Variants in DMD observed in about 807,000 individuals in gnomAD.
The protein encoded by DMD is mutant dystrophin.
Under a neutral mutation model 330.1 loss-of-function variants are expected in DMD, and 63 were observed. The observed-to-expected ratio is 0.19, with a 90% confidence interval of 0.16 to 0.24. DMD has a LOEUF of 0.24. Ranked by LOEUF, DMD falls within the 10% of genes least tolerant of loss-of-function variation. The pLI is 1.00. For missense variants in DMD, 3,344 were observed against 2,684.1 expected (o/e 1.25, Z -5.43); for synonymous variants, 1,223 against 959.8 (o/e 1.27, Z -5.07).
At chrX:33,207,980 T>C (rs1603417570) in intron 1 of DMD, among the ~76,000 whole-genome samples, 1 of 111,589 alleles carries the variant, frequency 9.0e-6, no homozygotes, top group East Asian at 2.8e-4. Context: ...CCTAGGACTA[T>C]AGCAGGACTT....
chrX:32,255,530 A>G (rs1283304038), intron 43 of DMD, among the ~76,000 whole-genome samples: 3 of 111,986 alleles, frequency 2.7e-5, no homozygotes, highest in East Asian at 5.6e-4. Flanking sequence ...TCCTTACAGA[A>G]TAAGTTTGCT....
intron 9 of DMD, among the ~76,000 whole-genome samples, chrX:32,651,789 A>G (rs968318390): frequency 8.9e-6 from 1 of 112,310 alleles, no homozygotes; most frequent in African/African-American, 3.2e-5. Context: ...ACAAAAATTT[A>G]AAACATAATT....
At chrX:32,139,946 CAT>C (rs2096744586) in intron 44 of DMD, among the ~76,000 whole-genome samples, 2 of 112,284 alleles carry the variant, frequency 1.8e-5, no homozygotes, top group Admixed American at 9.5e-5. Flanking sequence ...AAACGGAAAA[CAT>C]AGTTGCTATA....
In DMD at chrX:32,732,192, C is replaced by T. The variant is rs748089428; in HGVS notation, c.650-32899G>A. On this transcript the variant is annotated intron_variant, in intron 7 of 78. Transcript: ENST00000357033. ...GGAAGATGAAATTAATGAAATGAACCGAGAAGGGAAGTTTAGAGGAAAAAG... is the reference window on the plus strand; with the variant it reads ...GGAAGATGAAATTAATGAAATGAACTGAGAAGGGAAGTTTAGAGGAAAAAG... Among the ~76,000 whole-genome samples, 204 of 110,220 alleles carry T rather than the reference C, an allele frequency of 1.9e-3. 1 individual carries two copies. Among genetic ancestry groups the T allele is most frequent in the African/African-American group, 2.6e-3 (78 of 30,300 alleles).
chrX:32,921,191 C>T (rs183707950), intron 2 of DMD, among the ~76,000 whole-genome samples: 8 of 111,483 alleles, frequency 7.2e-5, no homozygotes, highest in African/African-American at 1.9e-4. Context: ...AGTGATAAAT[C>T]GAATAAGTTG....
intron 55 of DMD, among the ~76,000 whole-genome samples, chrX:31,524,038 C>CTGCA (rs1050066289): frequency 2.7e-5 from 3 of 111,815 alleles, no homozygotes; most frequent in African/African-American, 9.8e-5. Context: ...TAACCCCGCT[C>CTGCA]TGCATGCATG....
chrX:31,567,808 C>T (rs978214040), intron 55 of DMD, among the ~76,000 whole-genome samples: 7 of 110,738 alleles, frequency 6.3e-5, no homozygotes, highest in African/African-American at 2.3e-4. Context: ...TTTTATTGAG[C>T]CAGTTCCCAC....
chrX:32,615,824 A>G (rs1602183520), intron 11 of DMD, among the ~76,000 whole-genome samples: 1 of 111,932 alleles, frequency 8.9e-6, no homozygotes, highest in South Asian at 3.7e-4. Context: ...TTATGTTATT[A>G]TGGAACATCT....
At chrX:32,685,160 GT>G (rs2062759597) in intron 9 of DMD, among the ~76,000 whole-genome samples, 2 of 109,259 alleles carry the variant, frequency 1.8e-5, no homozygotes, top group African/African-American at 6.9e-5. Flanking sequence ...CGGCATACTT[GT>G]TCCTGAACTA....
chrX:33,128,614 A>G (rs1295892371), intron 1 of DMD, among the ~76,000 whole-genome samples: 4 of 111,998 alleles, frequency 3.6e-5, no homozygotes, highest in Non-Finnish European at 7.5e-5. Flanking sequence ...GATTATTATG[A>G]AGACACCTGT....
intron 7 of DMD, among the ~76,000 whole-genome samples, chrX:32,771,503 T>TACAC (rs754545800): frequency 9.5e-4 from 100 of 105,799 alleles, no homozygotes; most frequent in African/African-American, 1.6e-3. Flanking sequence ...ATTTTGTTAA[T>TACAC]ACACACACAC....
intron 1 of DMD, among the ~76,000 whole-genome samples, chrX:33,235,478 T>C (rs1161765801): frequency 8.9e-6 from 1 of 112,315 alleles, no homozygotes; most frequent in Non-Finnish European, 1.9e-5. Context: ...AAATCATTAG[T>C]GTATAGCGTT....
At chrX:32,649,100 T>G (rs2059960682) in intron 9 of DMD, among the ~76,000 whole-genome samples, 1 of 110,455 alleles carries the variant, frequency 9.1e-6, no homozygotes, top group African/African-American at 3.3e-5. Flanking sequence ...AGTGAATGGA[T>G]GAAACGATTC....
At chrX:32,481,958 A>G (rs1221802096) in intron 21 of DMD, among the ~76,000 whole-genome samples, 1 of 111,816 alleles carries the variant, frequency 8.9e-6, no homozygotes, top group Non-Finnish European at 1.9e-5. Flanking sequence ...CTAATGGTGT[A>G]GAACAGAAGA....
chrX:32,857,555 A>C (rs1420286923), intron 2 of DMD, among the ~76,000 whole-genome samples: 2 of 112,333 alleles, frequency 1.8e-5, no homozygotes, highest in Non-Finnish European at 3.8e-5. Flanking sequence ...ATGCACTGCA[A>C]TGTGTCCATT....
intron 44 of DMD, among the ~76,000 whole-genome samples, chrX:32,107,700 C>T (rs769954397): frequency 9.0e-6 from 1 of 110,796 alleles, no homozygotes; most frequent in Non-Finnish European, 1.9e-5. Flanking sequence ...TTAGGAAGGG[C>T]AATCTACTTT....
At chrX:32,392,165 CAGAG>C (rs1259909405) in intron 30 of DMD, among the ~76,000 whole-genome samples, 1 of 111,958 alleles carries the variant, frequency 8.9e-6, no homozygotes, top group East Asian at 2.8e-4. Flanking sequence ...GGTCCATGAA[CAGAG>C]AGAGAAGAAA....
intron 2 of DMD, among the ~76,000 whole-genome samples, chrX:33,009,756 GTGTGTATATGTGTATATACACACATA>G (rs2093603328): frequency 1.3e-4 from 4 of 30,987 alleles, no homozygotes; most frequent in Non-Finnish European, 2.8e-4. Flanking sequence ...ATGTGTATAT[GTGTGTATATGTGTATATACACACATA>G]TGTGTATATG....
chrX:32,100,364 T>A lies in DMD; in HGVS notation c.6438+116552A>T, dbSNP rs555742354. Among the ~76,000 whole-genome samples the A allele has an allele frequency of 7.1e-4, 72 of 101,197 alleles. 2 individuals carry two copies. The South Asian group carries it at 0.03, about 43-fold the overall frequency. The allele number at this position is 101,197 out of a possible 115,157, so 87.9% of individuals were successfully genotyped here. On this transcript the variant is annotated intron_variant, in intron 44 of 78. Transcript: ENST00000357033. ...AAAAAGAAAGAAAATCACTGTGTATTATTTTCCCAGATATATATATATATA... is the reference window on the plus strand; with the variant it reads ...AAAAAGAAAGAAAATCACTGTGTATAATTTTCCCAGATATATATATATATA...
Sources: allele counts gnomAD v4.1 joint callset (sites outside exome capture counted in the v4.1 genomes callset), GRCh38; gene constraint gnomAD v4.1.1; transcripts MANE v1.5; gene names NCBI Gene and HGNC (gene_info 2026-07-23, HGNC 2026-07-21).